MDC1: variants seen among roughly 807,000 people sequenced by gnomAD.
MDC1 encodes the protein mediator of DNA damage checkpoint 1.
Under a neutral mutation model 142.5 loss-of-function variants are expected in MDC1, and 81 were observed. That is an observed-to-expected ratio of 0.57 (90% CI 0.47 to 0.68). The LOEUF is 0.68. Among genes scored for constraint, MDC1 ranks in the 30% least tolerant of loss-of-function variants. MDC1 has a pLI of 0.00. For missense variants in MDC1, 2,119 were observed against 2,547.9 expected, an observed-to-expected ratio of 0.83 and a Z score of 3.62; for synonymous variants, 797 against 968.4, an observed-to-expected ratio of 0.82 and a Z score of 3.29.
chr6:30,708,219 C>T lies in MDC1; in HGVS notation c.2360G>A (p.Gly787Glu), dbSNP rs776648186. The stretch of plus-strand genomic sequence containing the variant: ...AACTGGGCTCTCTGGATGTTGGTCT[C>T]CTGGTATTGCCCTAGGTGGAGACAG... Reference protein sequence around the residue: ...PCLSPPRAIPGDQHPESPVHT... With the variant: ...PCLSPPRAIPEDQHPESPVHT... The change falls in exon 8 of 15, where the codon GGA becomes GAA. Residue 787 changes from glycine (G) to glutamate (E), a missense_variant. Physicochemically the swap from Gly to Glu is moderately conservative, Grantham distance 98. Coordinates refer to ENST00000376406, the MANE Select transcript of MDC1 (RefSeq NM_014641.3). 1.9e-6 allele frequency: 3 copies of T among 1,612,990 alleles called. No homozygotes were observed. The highest frequency in any genetic ancestry group is 1.1e-5 in the South Asian group (1 of 91,094).
Position 30,703,689 on chromosome 6 carries a change from C to T in MDC1, c.5494G>A (p.Val1832Ile). The change falls in exon 10 of 15, where the codon GTC becomes ATC. Residue 1832 changes from valine to isoleucine, a missense_variant. Physicochemically the swap from Val to Ile is conservative, Grantham distance 29 (BLOSUM62 3). Coordinates refer to ENST00000376406, the MANE Select transcript of MDC1 (RefSeq NM_014641.3). This position sits in a 1 kb window ranked among gnomAD's most constrained non-coding sequence, Gnocchi z 4.4. Reference sequence around the variant, plus strand: ...TTGATAATCACTGTCTTCTGGGAGACTTCCCCTCTTTGGGGCTGTTTTTGA... The same window carrying T: ...TTGATAATCACTGTCTTCTGGGAGATTTCCCCTCTTTGGGGCTGTTTTTGA... ...PHQKQPQRGE[V>I]SQKTVIIKEE... 2 of 1,544,840 alleles carry T rather than the reference C, an allele frequency of 1.3e-6. No homozygotes were observed. Among genetic ancestry groups the T allele is most frequent in the Non-Finnish European group, 1.7e-6 (2 of 1,150,566 alleles).
At chr6:30,706,135 G>T in intron 9 of MDC1, 37 bp from the exon 10 acceptor site, 2 of 1,480,168 alleles carry the variant, frequency 1.4e-6, no homozygotes, top group African/African-American at 1.4e-5. Context: ...GGGAGGAGGT[G>T]GAGAAAAGAG....
At position 30,716,644 on chromosome 6, in the gene MDC1, A is replaced by T. The variant is rs1775704110; in HGVS notation, c.-4+601T>A. 6.6e-6 allele frequency among the ~76,000 whole-genome samples: 1 copy of T among 152,064 alleles called. No homozygotes were observed. The highest frequency in any genetic ancestry group is 1.5e-5 in the Non-Finnish European group (1 of 68,012). On this transcript the variant is annotated intron_variant, in intron 1 of 14. Coordinates refer to ENST00000376406, the MANE Select transcript of MDC1 (RefSeq NM_014641.3). This position sits in a 1 kb window ranked among gnomAD's most constrained non-coding sequence, Gnocchi z 4.4. ...TAAGATCTCTCGCTATATTGTAACC[A>T]TTACTTTCCATTTCTGCCTTCACAC...
rs1409097650 is a variant in MDC1 at position 30,715,823 on chromosome 6, G to A, written c.-3-645C>T. 6.6e-6 allele frequency among the ~76,000 whole-genome samples: 1 copy of A among 152,200 alleles called. No homozygotes were observed. Among genetic ancestry groups the A allele is most frequent in the Non-Finnish European group, 1.5e-5 (1 of 68,044 alleles). On this transcript the variant is annotated intron_variant, in intron 1 of 14. Coordinates refer to ENST00000376406, the MANE Select transcript of MDC1 (RefSeq NM_014641.3). The surrounding 1 kb of genome is among the most constrained non-coding windows in gnomAD (Gnocchi z 4.1). ...TTAATCTTCACAAGAACCTTGTAAA[G>A]TAGTATTACTATCTTCCATTTCTTC...
Position 30,703,078 on chromosome 6 carries a change from T to C in MDC1, c.5865+26A>G, listed in dbSNP as rs766769094. 3 of 1,604,820 alleles carry C rather than the reference T, an allele frequency of 1.9e-6. No individual in the cohort carries two copies. Among genetic ancestry groups the C allele is most frequent in the Non-Finnish European group, 2.6e-6 (3 of 1,174,554 alleles). ...ATGAGCAGTCTTGCCACTATATCGG[T>C]CTGTCATCATCCCTTGGCCTCTCAC... On this transcript the variant is annotated intron_variant, in intron 12 of 14. Coordinates refer to ENST00000376406, the MANE Select transcript of MDC1 (RefSeq NM_014641.3). The surrounding 1 kb of genome is among the most constrained non-coding windows in gnomAD (Gnocchi z 4.4).
chr6:30,703,951 T>C lies in MDC1; in HGVS notation c.5232A>G (p.Ala1744=). ...AGGCCTGGGATTTAGGTTCCAAGGG[T>C]GCAGAGCAAGGCTTATGGTCAATGG... ...AAPIDHKPCS[A]PLEPKSQASR... is the part of the protein sequence containing the mutation. The change falls in exon 10 of 15, where the codon GCA becomes GCG. Residue 1744 remains alanine, a synonymous_variant. Coordinates refer to ENST00000376406, the MANE Select transcript of MDC1 (RefSeq NM_014641.3). This position sits in a 1 kb window ranked among gnomAD's most constrained non-coding sequence, Gnocchi z 4.4. The C allele has an allele frequency of 2.5e-6, 4 of 1,614,116 alleles. No individual in the cohort carries two copies. The highest frequency in any genetic ancestry group is 3.4e-6 in the Non-Finnish European group (4 of 1,180,012).
Position 30,706,667 on chromosome 6 carries a change from G to T in MDC1, c.3085-569C>A, listed in dbSNP as rs371281436. 1.6e-4 allele frequency among the ~76,000 whole-genome samples: 23 copies of T among 148,040 alleles called. 1 individual carries two copies. The highest frequency in any genetic ancestry group is 1.2e-3 in the East Asian group (6 of 4,978). Reference sequence around the variant, plus strand: ...AAAAATTAGCTAGGTGTGTTGGCAGGCGCCTAGTAGTCCCAGCTACCTGGG... The same window carrying T: ...AAAAATTAGCTAGGTGTGTTGGCAGTCGCCTAGTAGTCCCAGCTACCTGGG... On this transcript the variant is annotated intron_variant, in intron 9 of 14. Coordinates refer to ENST00000376406, the MANE Select transcript of MDC1 (RefSeq NM_014641.3).
At position 30,700,421 on chromosome 6, in the gene MDC1, A is replaced by G. The variant is rs1255686214; in HGVS notation, c.*44T>C. The G allele has an allele frequency of 1.9e-6, 3 of 1,578,580 alleles. No individual in the cohort carries two copies. Among genetic ancestry groups the G allele is most frequent in the Non-Finnish European group, 2.6e-6 (3 of 1,155,910 alleles). ...ACGCCCTGAGTTCTTTCTTCCACATATCTTCTAATTCGTGGTCTGGGAGGG... is the reference window on the plus strand; with the variant it reads ...ACGCCCTGAGTTCTTTCTTCCACATGTCTTCTAATTCGTGGTCTGGGAGGG... On this transcript the variant is annotated 3_prime_UTR_variant, in exon 15 of 15. Transcript: ENST00000376406.
Position 30,713,570 on chromosome 6 carries a change from C to G in MDC1, c.587+78G>C. On this transcript the variant is annotated intron_variant, in intron 4 of 14. Coordinates refer to ENST00000376406, the MANE Select transcript of MDC1 (RefSeq NM_014641.3). This position sits in a 1 kb window ranked among gnomAD's most constrained non-coding sequence, Gnocchi z 4.9. ...CAGCCCCAACTCTCATGATAATCATCTCTTTTAGAGATTGATCCTCCAGCC... is the reference window on the plus strand; with the variant it reads ...CAGCCCCAACTCTCATGATAATCATGTCTTTTAGAGATTGATCCTCCAGCC... The G allele has an allele frequency of 1.4e-6, 2 of 1,450,434 alleles. No homozygotes were observed. The highest frequency in any genetic ancestry group is 9.5e-7 in the Non-Finnish European group (1 of 1,055,198). The allele number at this position is 1,450,434 out of a possible 1,614,324, so 89.8% of individuals were successfully genotyped here.
rs972893317 is a variant in MDC1 at position 30,716,332 on chromosome 6, T to G, written c.-4+913A>C. Among the ~76,000 whole-genome samples the G allele has an allele frequency of 1.3e-5, 2 of 152,036 alleles. No homozygotes were observed. Among genetic ancestry groups the G allele is most frequent in the African/African-American group, 4.8e-5 (2 of 41,378 alleles). The stretch of plus-strand genomic sequence containing the variant: ...TCTGCCTCCAGGCTTCAAGCGATTC[T>G]CCTGCCTCAGCCTCCCGAGCAGCTG... On this transcript the variant is annotated intron_variant, in intron 1 of 14. Transcript: ENST00000376406. The surrounding 1 kb of genome is among the most constrained non-coding windows in gnomAD (Gnocchi z 4.4).
chr6:30,711,730 G>T lies in MDC1; in HGVS notation c.2069-4C>A. 6.2e-7 allele frequency: 1 copy of T among 1,612,426 alleles called. No individual in the cohort carries two copies. Among genetic ancestry groups the T allele is most frequent in the Non-Finnish European group, 8.5e-7 (1 of 1,179,750 alleles). ...TGTAGGTCCAGATCTTCAGAATCTG[G>T]TCGGGGAGGAATATAAGACAGTTTA... On this transcript the variant is annotated splice_polypyrimidine_tract_variant and splice_region_variant and intron_variant, in intron 5 of 14. Coordinates refer to ENST00000376406, the MANE Select transcript of MDC1 (RefSeq NM_014641.3).
At chr6:30,707,488 T>C in intron 8 of MDC1, 34 bp from the exon 9 acceptor site, 2 of 1,613,038 alleles carry the variant, frequency 1.2e-6, no homozygotes, top group Non-Finnish European at 1.7e-6. Context: ...GTGGCTGAGT[T>C]CCAAGCAGCT....
chr6:30,716,156 C>T lies in MDC1; in HGVS notation c.-3-978G>A, dbSNP rs964125194. Among the ~76,000 whole-genome samples, 1 of 152,146 alleles carries T rather than the reference C, an allele frequency of 6.6e-6. No individual in the cohort carries two copies. The highest frequency in any genetic ancestry group is 6.6e-5 in the Admixed American group (1 of 15,256). On this transcript the variant is annotated intron_variant, in intron 1 of 14. Transcript: ENST00000376406. The surrounding 1 kb of genome is among the most constrained non-coding windows in gnomAD (Gnocchi z 4.4). ...TTCATGCCTTAGCCCAATTCCTTGG[C>T]TTTTTCCCACCTAGTTTTCTGGTCC...
chr6:30,712,391 G>T lies in MDC1; in HGVS notation c.1551C>A (p.Thr517=). The change falls in exon 5 of 15, where the codon ACC becomes ACA. Residue 517 remains threonine (T), a synonymous_variant. Coordinates refer to ENST00000376406, the MANE Select transcript of MDC1 (RefSeq NM_014641.3). The surrounding 1 kb of genome is among the most constrained non-coding windows in gnomAD (Gnocchi z 4.7). ...GIHLERSQAS[T]TVDINTQVEK... ...CCACTTGTGTGTTGATGTCCACTGTGGTGGAGGCTTGGCTTCTCTCCAGGT... is the reference window on the plus strand; with the variant it reads ...CCACTTGTGTGTTGATGTCCACTGTTGTGGAGGCTTGGCTTCTCTCCAGGT... 1 of 1,613,062 alleles carries T rather than the reference G, an allele frequency of 6.2e-7. No homozygotes were observed. Among genetic ancestry groups the T allele is most frequent in the East Asian group, 2.2e-5 (1 of 44,886 alleles).
chr6:30,700,480 C>T lies in MDC1; in HGVS notation c.6255G>A (p.Glu2085=), dbSNP rs755875132. ...KPEAFVLSPL[E]MSST ...AGTGGAGTTCTCAGGTGGATGACAT[C>T]TCCAAAGGGGAGAGGACAAAGGCCT... Residue 2085 remains glutamate (E), a synonymous_variant, in exon 15 of 15, where the codon GAG becomes GAA. Coordinates refer to ENST00000376406, the MANE Select transcript of MDC1 (RefSeq NM_014641.3). 6.2e-7 allele frequency: 1 copy of T among 1,612,642 alleles called. No homozygotes were observed. The highest frequency in any genetic ancestry group is 2.2e-5 in the East Asian group (1 of 44,860).
intron 7 of MDC1, 28 bp from the exon 8 acceptor site, chr6:30,708,385 G>C (rs961043155): frequency 1.3e-6 from 2 of 1,565,448 alleles, no homozygotes; most frequent in Admixed American, 1.7e-5. Context: ...AAGAGAGAGA[G>C]AGGGAGAGGG....
intron 7 of MDC1, among the ~76,000 whole-genome samples, chr6:30,708,956 G>A (rs913738268): frequency 1.3e-5 from 2 of 151,196 alleles, no homozygotes; most frequent in Non-Finnish European, 2.9e-5. Context: ...ATTCCAGCCT[G>A]AGTGACAGAG....
chr6:30,704,469 CAATTG>C lies in MDC1; in HGVS notation c.4709_4713del (p.Ser1570CysfsTer6). ...GGCTGAAGCTCAGGGGCTATAGGGA[CAATTG>C]ATTCAGGGGTCTTGACAGAGGACCT... On this transcript the variant is annotated frameshift_variant, in exon 10 of 15. Transcript: ENST00000376406. LOFTEE classifies it high-confidence loss of function. 6.2e-7 allele frequency: 1 copy of C among 1,612,356 alleles called. No homozygotes were observed. The highest frequency in any genetic ancestry group is 8.5e-7 in the Non-Finnish European group (1 of 1,179,496).
rs1434358137 is a variant in MDC1 at position 30,706,061 on chromosome 6, G to A, written c.3122C>T (p.Thr1041Ile). ...GGGTGGGGCTGGGGCTTCAGGTACTGTAGGAGGCAGACAAGCATCTGGAGA... is the reference window on the plus strand; with the variant it reads ...GGGTGGGGCTGGGGCTTCAGGTACTATAGGAGGCAGACAAGCATCTGGAGA... ...QESPDACLPPTVPEAPAPPQK... is the reference protein window; with the variant it reads ...QESPDACLPPIVPEAPAPPQK... The change falls in exon 10 of 15, where the codon ACA (threonine) becomes ATA (isoleucine). Residue 1041 changes from threonine to isoleucine, a missense_variant. Transcript: ENST00000376406. 6.3e-7 allele frequency: 1 copy of A among 1,596,550 alleles called. No homozygotes were observed. Among genetic ancestry groups the A allele is most frequent in the Admixed American group, 1.7e-5 (1 of 58,922 alleles).
Sources: gnomAD v4.1 joint callset for allele counts (sites outside exome capture counted in the v4.1 genomes callset) on GRCh38, gnomAD v4.1.1 for gene constraint, Gnocchi (gnomAD v3.1) non-coding constraint, MANE v1.5 for transcripts, NCBI Gene and HGNC (gene_info 2026-07-23, HGNC 2026-07-21) for gene names.